The following ADGRL3 variants were observed in gnomAD, a reference collection of about 807,000 sequenced individuals.
ADGRL3 encodes calcium-independent alpha-latrotoxin receptor 3.
In ADGRL3, 62 loss-of-function variants were observed where a neutral mutation model predicts 153.5. That is an observed-to-expected ratio of 0.40 (90% CI 0.33 to 0.50). The LOEUF is 0.50. Ranked by LOEUF, ADGRL3 falls within the 20% of genes least tolerant of loss-of-function variation. ADGRL3 has a pLI of 0.47. For synonymous variants in ADGRL3, 710 were observed against 672.5 expected (o/e 1.06, Z -0.86); for missense variants, 1,641 against 1,859.4 (o/e 0.88, Z 2.16).
chr4:61,457,232 A>G (rs2097765014), intron 2 of ADGRL3, among the ~76,000 whole-genome samples: 1 of 151,988 alleles, frequency 6.6e-6, no homozygotes, highest in African/African-American at 2.4e-5. Flanking sequence ...GTAGTTTAAA[A>G]ACTTATTTCA....
intron 21 of ADGRL3, among the ~76,000 whole-genome samples, chr4:62,013,872 G>A (rs1160727619): frequency 6.6e-6 from 1 of 150,762 alleles, no homozygotes; most frequent in Non-Finnish European, 1.5e-5. Context: ...TGGTGACAGA[G>A]TGAGATTCTG....
rs1220002629 is a variant in ADGRL3 at position 61,489,938 on chromosome 4, A to G, written c.-173-7183A>G. The stretch of plus-strand genomic sequence containing the variant: ...TGTGCCTTTAACTATTATAAATTTC[A>G]TGATTTGCAACCAATCAAAATGAAT... On this transcript the variant is annotated intron_variant, in intron 2 of 26. Transcript: ENST00000683033. Among the ~76,000 whole-genome samples the G allele has an allele frequency of 2.0e-5, 3 of 152,196 alleles. No individual in the cohort carries two copies. The East Asian group carries it at 5.8e-4, about 29-fold the overall frequency.
At chr4:61,872,666 AAAG>A (rs1191093416) in intron 9 of ADGRL3, among the ~76,000 whole-genome samples, 2 of 151,722 alleles carry the variant, frequency 1.3e-5, no homozygotes, top group Non-Finnish European at 2.9e-5. Flanking sequence ...AAAAAAAAAA[AAAG>A]AAAGAAGAAA....
chr4:61,551,042 T>C (rs927427825), intron 4 of ADGRL3, among the ~76,000 whole-genome samples: 6 of 152,102 alleles, frequency 3.9e-5, no homozygotes, highest in African/African-American at 1.4e-4. Context: ...ATTGAAGATA[T>C]TAATCACGTG....
intron 5 of ADGRL3, among the ~76,000 whole-genome samples, chr4:61,653,162 TCTCTCTCTCA>T (rs1334432943): frequency 9.3e-6 from 1 of 107,374 alleles, no homozygotes; most frequent in Non-Finnish European, 2.0e-5. Flanking sequence ...TCTCTCTCTC[TCTCTCTCTCA>T]CACACACACA....
chr4:61,635,018 A>G (rs1004603200), intron 5 of ADGRL3, among the ~76,000 whole-genome samples: 2 of 152,134 alleles, frequency 1.3e-5, no homozygotes, highest in African/African-American at 4.8e-5. Context: ...GAAAACTGAG[A>G]AGCAAATCTT....
At chr4:61,995,663 T>G (rs2099119230) in intron 19 of ADGRL3, among the ~76,000 whole-genome samples, 1 of 152,166 alleles carries the variant, frequency 6.6e-6, no homozygotes, top group Non-Finnish European at 1.5e-5. Context: ...GGGGGAGTAT[T>G]AAATGTAGCT....
At chr4:61,822,073 C>T (rs542117794) in intron 9 of ADGRL3, among the ~76,000 whole-genome samples, 1 of 152,196 alleles carries the variant, frequency 6.6e-6, no homozygotes, top group Non-Finnish European at 1.5e-5. Context: ...TCTAACTTAT[C>T]TGATTAGCAG....
intron 1 of ADGRL3, among the ~76,000 whole-genome samples, chr4:61,320,772 A>C (rs897078414): frequency 3.3e-5 from 5 of 152,200 alleles, no homozygotes; most frequent in African/African-American, 1.2e-4. Flanking sequence ...TGCTGTAACA[A>C]ATTACTACAA....
At chr4:61,562,359 T>C (rs983481502) in intron 4 of ADGRL3, among the ~76,000 whole-genome samples, 7 of 152,156 alleles carry the variant, frequency 4.6e-5, no homozygotes, top group Non-Finnish European at 8.8e-5. Context: ...ACAGTGAAGT[T>C]TGTTATATGG....
intron 17 of ADGRL3, among the ~76,000 whole-genome samples, chr4:61,954,707 C>G (rs2098959836): frequency 6.6e-6 from 1 of 152,066 alleles, no homozygotes; most frequent in African/African-American, 2.4e-5. Flanking sequence ...AAGTGTCTTT[C>G]TCTTCTCAAC....
intron 5 of ADGRL3, among the ~76,000 whole-genome samples, chr4:61,604,763 A>G (rs2099025307): frequency 6.6e-6 from 1 of 152,174 alleles, no homozygotes; most frequent in Non-Finnish European, 1.5e-5. Context: ...ACTTGTTTTT[A>G]GCAGTAATCA....
rs1418521787 is a variant in ADGRL3, at chr4:61,755,429, G to A, written c.1399+21875G>A. Among the ~76,000 whole-genome samples the A allele has an allele frequency of 2.6e-5, 4 of 152,316 alleles. No homozygotes were observed. The East Asian group carries it at 5.8e-4, about 22-fold the overall frequency. On this transcript the variant is annotated intron_variant, in intron 8 of 26. Coordinates refer to ENST00000683033, the MANE Select transcript of ADGRL3 (RefSeq NM_001387552.1). ...ACATAAATGTCTTCTTTTGAGAAGT[G>A]TCTGTTCATATCCTTCGCCCACTTT...
At chr4:61,933,072 A>G (rs1315310558) in intron 13 of ADGRL3, among the ~76,000 whole-genome samples, 1 of 151,966 alleles carries the variant, frequency 6.6e-6, no homozygotes, top group Non-Finnish European at 1.5e-5. Flanking sequence ...ATTAATTATT[A>G]TAAGATTATT....
chr4:61,970,215 A>T (rs1254071170), intron 17 of ADGRL3, among the ~76,000 whole-genome samples: 2 of 152,162 alleles, frequency 1.3e-5, no homozygotes, highest in Non-Finnish European at 2.9e-5. Context: ...CTTCTAATAG[A>T]ATCAGACATT....
intron 5 of ADGRL3, among the ~76,000 whole-genome samples, chr4:61,626,818 T>C (rs891844214): frequency 2.0e-5 from 3 of 152,072 alleles, no homozygotes; most frequent in Non-Finnish European, 4.4e-5. Flanking sequence ...AACATATAGG[T>C]TTTTATGAAA....
intron 2 of ADGRL3, among the ~76,000 whole-genome samples, chr4:61,492,642 A>AT (rs2098270459): frequency 6.6e-6 from 1 of 152,144 alleles, no homozygotes; most frequent in Non-Finnish European, 1.5e-5. Flanking sequence ...AATAAAATCA[A>AT]TGTCTCCCAT....
At chr4:61,844,575 A>AAT (rs57750929) in intron 9 of ADGRL3, among the ~76,000 whole-genome samples, 21 of 18,108 alleles carry the variant, frequency 1.2e-3, no homozygotes, top group East Asian at 3.5e-3. Flanking sequence ...AAAAAAAAAA[A>AAT]ATATATATAT....
chr4:61,388,819 T>C (rs2096770544), intron 2 of ADGRL3, among the ~76,000 whole-genome samples: 1 of 152,174 alleles, frequency 6.6e-6, no homozygotes, highest in Admixed American at 6.5e-5. Flanking sequence ...TTCCCAGTTA[T>C]TCATGTGGCT....
Sources: gnomAD v4.1 joint callset for allele counts (sites outside exome capture counted in the v4.1 genomes callset) on GRCh38, gnomAD v4.1.1 for gene constraint, MANE v1.5 for transcripts, NCBI Gene and HGNC (gene_info 2026-07-23, HGNC 2026-07-21) for gene names.